The following SPTBN2 variants were observed in gnomAD, a reference collection of about 807,000 sequenced individuals.
SPTBN2 encodes spectrin beta, non-erythrocytic 2.
Under a neutral mutation model 284.2 loss-of-function variants are expected in SPTBN2, and 107 were observed. The observed-to-expected ratio is 0.38, with a 90% CI of 0.32 to 0.44. SPTBN2 has a LOEUF of 0.44. SPTBN2 is among the 20% of genes least tolerant of loss of function. SPTBN2 has a pLI of 1.00. For missense variants in SPTBN2, 2,569 were observed against 3,287.1 expected (o/e 0.78, Z 5.34); for synonymous variants, 1,289 against 1,354.8 (o/e 0.95, Z 1.07).
intron 1 of SPTBN2, among the ~76,000 whole-genome samples, chr11:66,743,749 G>T (rs962764929): frequency 1.3e-5 from 2 of 152,198 alleles, no homozygotes; most frequent in African/African-American, 4.8e-5. Context: ...CGTGGAAAGG[G>T]GCCTGGATAG....
chr11:66,722,930 G>A (rs1182127452), intron 1 of SPTBN2, among the ~76,000 whole-genome samples: 1 of 151,462 alleles, frequency 6.6e-6, no homozygotes, highest in East Asian at 1.9e-4. Flanking sequence ...TAAGTTACTG[G>A]TTCAAGGTCA....
Position 66,715,504 on chromosome 11 carries a change from C to T in SPTBN2, c.310-109G>A. On this transcript the variant is annotated intron_variant, in intron 4 of 37. Transcript: ENST00000533211. This position sits in a 1 kb window ranked among gnomAD's most constrained non-coding sequence, Gnocchi z 5.3. ...CCTTCCCCATGACCTACCTCAGGAA[C>T]ACAGACAGGCACAGCCCCAGGGCTG... 7.3e-7 allele frequency: 1 copy of T among 1,376,348 alleles called. No individual in the cohort carries two copies. The highest frequency in any genetic ancestry group is 9.9e-7 in the Non-Finnish European group (1 of 1,013,828). The allele number at this position is 1,376,348 out of a possible 1,614,324, so 85.3% of individuals were successfully genotyped here. A position where few individuals can be genotyped will look rare whatever the true frequency, so the allele number is the denominator to read the frequency against.
intron 1 of SPTBN2, among the ~76,000 whole-genome samples, chr11:66,740,312 G>A (rs979736571): frequency 5.3e-5 from 8 of 152,152 alleles, no homozygotes; most frequent in South Asian, 2.1e-4. Flanking sequence ...CTTTGGTACT[G>A]TCCCAGGAAA....
At chr11:66,701,499 C>T in intron 16 of SPTBN2, 85 bp downstream of exon 16, 2 of 1,604,864 alleles carry the variant, frequency 1.2e-6, no homozygotes, top group Non-Finnish European at 1.7e-6. Flanking sequence ...GCCACCCTTC[C>T]AGGCCCTACA....
chr11:66,687,806 C>T lies in SPTBN2; in HGVS notation c.6501+62G>A. ...TCCCCAGTACTCCCCCACCCGCACT[C>T]ACCACCCCCTCTGGACCCTTCGCCT... is the stretch of plus-strand genomic sequence containing the variant. On this transcript the variant is annotated intron_variant, in intron 34 of 37. Coordinates refer to ENST00000533211, the MANE Select transcript of SPTBN2 (RefSeq NM_006946.4). The surrounding 1 kb of genome is among the most constrained non-coding windows in gnomAD (Gnocchi z 5.2). 1 of 1,607,624 alleles carries T rather than the reference C, an allele frequency of 6.2e-7. No individual in the cohort carries two copies. The highest frequency in any genetic ancestry group is 1.7e-5 in the Admixed American group (1 of 60,026).
At chr11:66,696,582 C>T in intron 20 of SPTBN2, 42 bp from the exon 21 acceptor site, 1 of 1,606,358 alleles carries the variant, frequency 6.2e-7, no homozygotes, top group Non-Finnish European at 8.5e-7. Flanking sequence ...CCAAATTAGC[C>T]TGAACTTTAG....
intron 1 of SPTBN2, among the ~76,000 whole-genome samples, chr11:66,721,987 C>T (rs1038041481): frequency 2.0e-5 from 3 of 150,284 alleles, no homozygotes; most frequent in Admixed American, 6.6e-5. Context: ...CACCTTAGAG[C>T]GAGACTAGTA....
intron 5 of SPTBN2, 73 bp from the exon 6 acceptor site, chr11:66,714,480 A>G (rs940656456): frequency 1.5e-6 from 2 of 1,323,242 alleles, no homozygotes; most frequent in African/African-American, 2.9e-5. Flanking sequence ...GCTCAGATAA[A>G]TGGCAGGAAA....
chr11:66,691,727 G>T lies in SPTBN2; in HGVS notation c.5191-69C>A. The T allele has an allele frequency of 6.2e-7, 1 of 1,604,302 alleles. No homozygotes were observed. Among genetic ancestry groups the T allele is most frequent in the Admixed American group, 1.7e-5 (1 of 59,854 alleles). On this transcript the variant is annotated intron_variant, in intron 26 of 37. Coordinates refer to ENST00000533211, the MANE Select transcript of SPTBN2 (RefSeq NM_006946.4). The surrounding 1 kb of genome is among the most constrained non-coding windows in gnomAD (Gnocchi z 8.0). ...GGATGTGGTCCCTGCCTGATGGAGC[G>T]AGTCCTCCACTCCAAACTCAGAACC...
intron 1 of SPTBN2, among the ~76,000 whole-genome samples, chr11:66,735,045 G>A (rs1942842679): frequency 6.6e-6 from 1 of 152,102 alleles, no homozygotes; most frequent in Non-Finnish European, 1.5e-5. Context: ...AAAATCTACA[G>A]CAGAGAGCTG....
At position 66,700,823 on chromosome 11, in the gene SPTBN2, T is replaced by C. The variant is rs2135412816; in HGVS notation, c.3276A>G (p.Glu1092=). 2 of 1,600,416 alleles carry C rather than the reference T, an allele frequency of 1.2e-6. No individual in the cohort carries two copies. The highest frequency in any genetic ancestry group is 1.7e-6 in the Non-Finnish European group (2 of 1,179,782). The stretch of plus-strand genomic sequence containing the variant: ...CTGCCTCAGGCAGGGTGGCCGGCCC[T>C]TCTTCAGAGGCCACAGCAGTCTGAG... ...GRTQTAVASE[E]GPATLPEAEA... is the part of the protein sequence containing the mutation. Residue 1092 remains glutamate, a synonymous_variant, in exon 17 of 38, where the codon GAA becomes GAG. Transcript: ENST00000533211. The surrounding 1 kb of genome is among the most constrained non-coding windows in gnomAD (Gnocchi z 6.6).
Position 66,699,457 on chromosome 11 carries a change from C to T in SPTBN2, c.3725G>A (p.Gly1242Asp). The T allele has an allele frequency of 1.2e-6, 2 of 1,614,136 alleles. No homozygotes were observed. The highest frequency in any genetic ancestry group is 1.7e-6 in the Non-Finnish European group (2 of 1,180,028). The change falls in exon 18 of 38, where the codon GGC (glycine) becomes GAC (aspartate). Residue 1242 changes from glycine (G) to aspartate (D), a missense_variant. This residue lies in a region of SPTBN2 where 1,012 missense variants were observed against 1,248.9 expected (regional missense o/e 0.81). Transcript: ENST00000533211. ...LEAGRQLVSE[G>D]NIHADKIREK... ...CCGAATCTTGTCGGCGTGGATGTTG[C>T]CTTCAGATACCAGCTGGCGGCCAGC... is the stretch of plus-strand genomic sequence containing the variant.
chr11:66,695,384 T>G (rs1940847453), intron 21 of SPTBN2, among the ~76,000 whole-genome samples: 1 of 152,128 alleles, frequency 6.6e-6, no homozygotes, highest in Non-Finnish European at 1.5e-5. Context: ...GCCTCCTGAG[T>G]AGCTGGGACT....
chr11:66,705,621 C>A lies in SPTBN2; in HGVS notation c.1807+63G>T, dbSNP rs537612942. On this transcript the variant is annotated intron_variant, in intron 14 of 37. Transcript: ENST00000533211. ...GTCCCCAGGTTTCCCAACCCTTCCA[C>A]CTCGGCTCTTGATGTGCTCCTTCCC... is the stretch of plus-strand genomic sequence containing the variant. 4 of 1,605,260 alleles carry A rather than the reference C, an allele frequency of 2.5e-6. No homozygotes were observed. The African/African-American group carries it at 4.0e-5, about 16-fold the overall frequency.
chr11:66,686,015 G>C lies in SPTBN2; in HGVS notation c.7029C>G (p.Pro2343=). The C allele has an allele frequency of 6.2e-7, 1 of 1,613,598 alleles. No individual in the cohort carries two copies. Among genetic ancestry groups the C allele is most frequent in the Middle Eastern group, 1.7e-4 (1 of 6,056 alleles). Residue 2343 remains proline, a synonymous_variant, in exon 38 of 38, where the codon CCC becomes CCG. Transcript: ENST00000533211. ...ASGEPEEPVV[P]STTRGMTRAM... ...CCCGGGTCATGCCCCGGGTGGTGCT[G>C]GGCACCACCGGCTCTTCAGGCTCTC...
chr11:66,694,104 G>C, intron 22 of SPTBN2, 35 bp downstream of exon 22: 2 of 1,598,530 alleles, frequency 1.3e-6, no homozygotes, highest in Non-Finnish European at 1.7e-6. Context: ...CACATGGCTG[G>C]GGGCAGCTTG....
rs1289240932 is a variant in SPTBN2 at position 66,704,692 on chromosome 11, C to T, written c.2584G>A (p.Gly862Arg). The T allele has an allele frequency of 3.7e-6, 6 of 1,608,446 alleles. No homozygotes were observed. Among genetic ancestry groups the T allele is most frequent in the East Asian group, 2.2e-5 (1 of 44,662 alleles). Reference protein sequence around the residue: ...LALYTMLSEAGACGLWVEEKE... With the variant: ...LALYTMLSEARACGLWVEEKE... The stretch of plus-strand genomic sequence containing the variant: ...TCCTCCACCCAGAGTCCACAGGCCC[C>T]GGCCTCGCTGAGCATGGTGTAGAGC... The change falls in exon 15 of 38, where the codon GGG becomes AGG. Residue 862 changes from glycine (G) to arginine (R), a missense_variant. Gly to Arg is a moderately radical substitution (Grantham distance 125). Around this residue, in one of 6 missense-constraint regions of SPTBN2, gnomAD observed 1,012 missense variants for 1,248.9 expected, o/e 0.81. Transcript: ENST00000533211.
In SPTBN2 at chr11:66,704,821, G is replaced by A. The variant is rs141021167; in HGVS notation, c.2455C>T (p.Arg819Cys). Residue 819 changes from arginine (R) to cysteine (C), a missense_variant, in exon 15 of 38, where the codon CGC becomes TGC. This residue lies in a region of SPTBN2 where 1,012 missense variants were observed against 1,248.9 expected (regional missense o/e 0.81). Transcript: ENST00000533211. ...QAAALPPTLSRTPEVQSRVPT... is the reference protein window; with the variant it reads ...QAAALPPTLSCTPEVQSRVPT... ...ACCCGGCTCTGCACCTCGGGCGTGC[G>A]GCTCAGTGTGGGGGGCAGGGCTGCT... 47 of 1,606,652 alleles carry A rather than the reference G, an allele frequency of 2.9e-5. No individual in the cohort carries two copies. In the African/African-American group the frequency reaches 3.1e-4, roughly 10 times the overall value.
At chr11:66,744,624 AGG>A (rs752886143) in exon 1 of SPTBN2, 26 of 275,628 alleles carry the variant, frequency 9.4e-5, no homozygotes, top group Non-Finnish European at 1.3e-4. Flanking sequence ...CGGCGCTCAG[AGG>A]CTCTAGGTGG....
Sources: gnomAD v4.1 joint callset for allele counts (sites outside exome capture counted in the v4.1 genomes callset) on GRCh38, gnomAD v4.1.1 for gene constraint, gnomAD v4.1.1 regional missense constraint, Gnocchi (gnomAD v3.1) non-coding constraint, MANE v1.5 for transcripts, NCBI Gene and HGNC (gene_info 2026-07-23, HGNC 2026-07-21) for gene names.